The following HOTAIR variants were observed in gnomAD, a reference collection of about 807,000 sequenced individuals.
HOTAIR encodes HOX transcript antisense RNA.
intron 1 of HOTAIR, among the ~76,000 whole-genome samples, chr12:53,971,303 A>G (rs1298646028): frequency 6.6e-6 from 1 of 152,160 alleles, no homozygotes; most frequent in African/African-American, 2.4e-5. Flanking sequence ...GAGTGCGTAG[A>G]GGGGCACCTG....
In HOTAIR at chr12:53,967,836, T is replaced by G. The variant is rs1939082524; in HGVS notation, n.200-442A>C. On this transcript the variant is annotated intron_variant and non_coding_transcript_variant, in intron 2 of 6. Coordinates refer to ENST00000424518, the Ensembl canonical transcript of HOTAIR. ...TGTGACATAAAATTGGCAGGCACTT[T>G]GGAGATTTAGGGACTTGCAGAGAGT... is the stretch of plus-strand genomic sequence containing the variant. Among the ~76,000 whole-genome samples, 3 of 152,084 alleles carry G rather than the reference T, an allele frequency of 2.0e-5. No individual in the cohort carries two copies. The South Asian group carries it at 6.2e-4, about 32-fold the overall frequency.
chr12:53,974,186 C>A (rs895640891), intron 1 of HOTAIR, among the ~76,000 whole-genome samples: 2 of 152,160 alleles, frequency 1.3e-5, no homozygotes, highest in Non-Finnish European at 2.9e-5. Context: ...ACCCCCCTCC[C>A]CCGTTATCTC....
At chr12:53,969,980 A>G (rs1398037944) in intron 1 of HOTAIR, among the ~76,000 whole-genome samples, 1 of 152,234 alleles carries the variant, frequency 6.6e-6, no homozygotes, top group Non-Finnish European at 1.5e-5. Context: ...GGTAGAATTT[A>G]GGAGACACTG....
exon 7 of HOTAIR, chr12:53,963,577 T>C (rs1182560442): frequency 6.6e-6 from 1 of 152,314 alleles, no homozygotes; most frequent in Non-Finnish European, 1.5e-5. Flanking sequence ...ATCAATTAAT[T>C]AGCGCCTCCC....
At chr12:53,970,094 C>A (rs180818277) in intron 1 of HOTAIR, among the ~76,000 whole-genome samples, 1 of 152,210 alleles carries the variant, frequency 6.6e-6, no homozygotes, top group Non-Finnish European at 1.5e-5. Flanking sequence ...AGACCGCAGC[C>A]GCCTGCTAGC....
rs377372195 is a variant in HOTAIR at position 53,973,229 on chromosome 12, G to T, written n.59+1669C>A. The T allele has an allele frequency of 2.7e-5, 42 of 1,548,920 alleles. No homozygotes were observed. Among genetic ancestry groups the T allele is most frequent in the Non-Finnish European group, 3.3e-5 (38 of 1,151,852 alleles). ...CCAAAACCTCCATCCGGAGCCGGCA[G>T]GAGAGGAGAACGATGTTTAACTCGG... On this transcript the variant is annotated intron_variant and non_coding_transcript_variant, in intron 1 of 6. Coordinates refer to ENST00000424518, the Ensembl canonical transcript of HOTAIR. This position sits in a 1 kb window ranked among gnomAD's most constrained non-coding sequence, Gnocchi z 4.3.
At chr12:53,974,416 G>C (rs1336579789) in intron 1 of HOTAIR, among the ~76,000 whole-genome samples, 2 of 152,054 alleles carry the variant, frequency 1.3e-5, no homozygotes, top group Non-Finnish European at 2.9e-5. Flanking sequence ...CAGAACCTGA[G>C]ACCGGAGAGG....
intron 1 of HOTAIR, among the ~76,000 whole-genome samples, chr12:53,970,382 C>T (rs773282103): frequency 5.3e-5 from 8 of 152,194 alleles, no homozygotes; most frequent in Admixed American, 2.0e-4. Context: ...TCAGCTGAAG[C>T]GTCCAGGTAG....
At chr12:53,970,410 G>T (rs190555764) in intron 1 of HOTAIR, among the ~76,000 whole-genome samples, 1 of 152,318 alleles carries the variant, frequency 6.6e-6, no homozygotes, top group African/African-American at 2.4e-5. Context: ...CCAGGGCTGG[G>T]CAGGGAGGCT....
At position 53,973,080 on chromosome 12, in the gene HOTAIR, G is replaced by A. The variant is rs1939175539; in HGVS notation, n.59+1818C>T. 2 of 570,352 alleles carry A rather than the reference G, an allele frequency of 3.5e-6. No individual in the cohort carries two copies. The highest frequency in any genetic ancestry group is 6.0e-5 in the East Asian group (2 of 33,240). 35.3% of individuals were successfully genotyped at this position (570,352 alleles called of 1,614,324 possible). A position where few individuals can be genotyped will look rare whatever the true frequency, so the allele number is the denominator to read the frequency against. The stretch of plus-strand genomic sequence containing the variant: ...CTAAGAGAGAACCCCTCCTACGTCT[G>A]CGAAGTGCTCCGAACTGATATATGA... On this transcript the variant is annotated intron_variant and non_coding_transcript_variant, in intron 1 of 6. Coordinates refer to ENST00000424518, the Ensembl canonical transcript of HOTAIR. This position sits in a 1 kb window ranked among gnomAD's most constrained non-coding sequence, Gnocchi z 4.3.
At position 53,973,698 on chromosome 12, in the gene HOTAIR, C is replaced by T; in HGVS notation, n.59+1200G>A. 1.2e-6 allele frequency: 2 copies of T among 1,613,686 alleles called. No homozygotes were observed. Among genetic ancestry groups the T allele is most frequent in the Non-Finnish European group, 1.7e-6 (2 of 1,180,038 alleles). On this transcript the variant is annotated intron_variant and non_coding_transcript_variant, in intron 1 of 6. Transcript: ENST00000424518. The surrounding 1 kb of genome is among the most constrained non-coding windows in gnomAD (Gnocchi z 4.3). ...CAGCGTCCTGCCTCAAGCCTTCGACCGTTTCTTCGACAACGCCTACTGCGG... is the reference window on the plus strand; with the variant it reads ...CAGCGTCCTGCCTCAAGCCTTCGACTGTTTCTTCGACAACGCCTACTGCGG...
intron 1 of HOTAIR, among the ~76,000 whole-genome samples, chr12:53,969,853 A>T (rs554730807): frequency 1.3e-5 from 2 of 152,224 alleles, no homozygotes; most frequent in East Asian, 3.9e-4. Flanking sequence ...GGTCTGTGGG[A>T]TGGGCTCCTT....
intron 1 of HOTAIR, among the ~76,000 whole-genome samples, chr12:53,974,336 A>G (rs1199993346): frequency 6.8e-6 from 1 of 147,184 alleles, no homozygotes; most frequent in East Asian, 2.1e-4. Context: ...GAGGGGGAGA[A>G]AGGGGAGGGC....
chr12:53,968,488 T>A (rs1939092775), intron 2 of HOTAIR: 1 of 152,198 alleles, frequency 6.6e-6, no homozygotes, highest in Non-Finnish European at 1.5e-5. Context: ...TAACTCAACT[T>A]CTGACTGTAG....
In HOTAIR at chr12:53,973,784, C is replaced by G; in HGVS notation, n.59+1114G>C. The G allele has an allele frequency of 6.2e-7, 1 of 1,603,230 alleles. No individual in the cohort carries two copies. On this transcript the variant is annotated intron_variant and non_coding_transcript_variant, in intron 1 of 6. Coordinates refer to ENST00000424518, the Ensembl canonical transcript of HOTAIR. This position sits in a 1 kb window ranked among gnomAD's most constrained non-coding sequence, Gnocchi z 4.3. ...GCAAGGGCGAGGCCAAGGGGGAGCC[C>G]GAGGCACCCCCGGCCTCGGGACTGG... is the stretch of plus-strand genomic sequence containing the variant.
chr12:53,974,648 C>G (rs1939219930), intron 1 of HOTAIR, among the ~76,000 whole-genome samples: 1 of 151,746 alleles, frequency 6.6e-6, no homozygotes, highest in Admixed American at 6.6e-5. Flanking sequence ...GTGGAAGGCG[C>G]TGCCCCGCGG....
exon 7 of HOTAIR, chr12:53,962,808 A>G (rs1396938683): frequency 6.6e-6 from 1 of 152,050 alleles, no homozygotes; most frequent in East Asian, 1.9e-4. Flanking sequence ...CTATTTTTCT[A>G]CTGCAACTTT....
rs1300582441 is a variant in HOTAIR at position 53,973,766 on chromosome 12, C to T, written n.59+1132G>A. 2 of 1,611,712 alleles carry T rather than the reference C, an allele frequency of 1.2e-6. No homozygotes were observed. Among genetic ancestry groups the T allele is most frequent in the Non-Finnish European group, 1.7e-6 (2 of 1,179,236 alleles). Reference sequence around the variant, plus strand: ...CCGAGCCCCCCTGCTCCGGCAAGGGCGAGGCCAAGGGGGAGCCCGAGGCAC... The same window carrying T: ...CCGAGCCCCCCTGCTCCGGCAAGGGTGAGGCCAAGGGGGAGCCCGAGGCAC... On this transcript the variant is annotated intron_variant and non_coding_transcript_variant, in intron 1 of 6. Coordinates refer to ENST00000424518, the Ensembl canonical transcript of HOTAIR. This position sits in a 1 kb window ranked among gnomAD's most constrained non-coding sequence, Gnocchi z 4.3.
exon 4 of HOTAIR, chr12:53,966,375 G>C (rs1236730164): frequency 1.3e-5 from 2 of 152,206 alleles, no homozygotes; most frequent in African/African-American, 2.4e-5. Context: ...AGCGGAGCAG[G>C]ACCTAAGAAT....
Sources: gnomAD v4.1 joint callset for allele counts (sites outside exome capture counted in the v4.1 genomes callset) on GRCh38, gnomAD v4.1.1 for gene constraint, Gnocchi (gnomAD v3.1) non-coding constraint, MANE v1.5 for transcripts, NCBI Gene and HGNC (gene_info 2026-07-23, HGNC 2026-07-21) for gene names.